The following LRBA variants were observed in gnomAD, a reference collection of about 807,000 sequenced individuals.
LRBA encodes the protein LPS responsive beige-like anchor protein.
LRBA carries 176 observed loss-of-function variants against 330.0 expected under a neutral mutation model. The observed-to-expected ratio is 0.53, with a 90% CI of 0.47 to 0.60. The LOEUF is 0.60. Among genes scored for constraint, LRBA ranks in the 20% least tolerant of loss-of-function variants. LRBA has a pLI of 0.00. For missense variants in LRBA, 3,259 were observed against 3,444.8 expected, an observed-to-expected ratio of 0.95 and a Z score of 1.35; for synonymous variants, 1,230 against 1,193.0, an observed-to-expected ratio of 1.03 and a Z score of -0.64.
At chr4:150,520,935 T>C (rs1762861145) in intron 40 of LRBA, among the ~76,000 whole-genome samples, 1 of 152,220 alleles carries the variant, frequency 6.6e-6, no homozygotes, top group South Asian at 2.1e-4. Flanking sequence ...TATGTATTCA[T>C]TTTCTTAAAA....
chr4:150,855,015 T>C (rs1579006292), intron 22 of LRBA, among the ~76,000 whole-genome samples: 1 of 152,122 alleles, frequency 6.6e-6, no homozygotes, highest in African/African-American at 2.4e-5. Flanking sequence ...CCCAGCACTT[T>C]AGGAGTCCAA....
intron 24 of LRBA, 133 bp downstream of exon 24, chr4:150,850,591 C>A (rs1173404968): frequency 9.9e-6 from 5 of 504,908 alleles, no homozygotes; most frequent in Non-Finnish European, 1.7e-5. Context: ...TTCAGTAAAA[C>A]CCTACCATAG....
chr4:150,427,217 C>T (rs562307959), intron 46 of LRBA, among the ~76,000 whole-genome samples: 4 of 152,022 alleles, frequency 2.6e-5, no homozygotes, highest in Admixed American at 2.6e-4. Context: ...TCACACTTGA[C>T]ATATGCATGC....
At chr4:150,763,983 T>C (rs1478428731) in intron 34 of LRBA, among the ~76,000 whole-genome samples, 2 of 151,976 alleles carry the variant, frequency 1.3e-5, no homozygotes, top group Non-Finnish European at 2.9e-5. Flanking sequence ...TCAGCTCTTA[T>C]ACCTAACATA....
intron 56 of LRBA, among the ~76,000 whole-genome samples, chr4:150,273,478 T>C (rs2126721390): frequency 6.6e-6 from 1 of 152,294 alleles, no homozygotes; most frequent in East Asian, 1.9e-4. Context: ...ACTTTAAATG[T>C]AAATGGACTA....
intron 14 of LRBA, 149 bp from the exon 15 acceptor site, chr4:150,897,967 A>G (rs1172285427): frequency 1.6e-6 from 1 of 607,594 alleles, no homozygotes; most frequent in East Asian, 2.8e-5. Context: ...ATGCCTCTAG[A>G]AAGACAAGTG....
intron 2 of LRBA, among the ~76,000 whole-genome samples, chr4:151,012,227 A>G (rs1218885088): frequency 2.0e-5 from 3 of 152,216 alleles, no homozygotes; most frequent in Admixed American, 2.0e-4. Context: ...CTTAAAATCT[A>G]TACCAGGTCT....
intron 28 of LRBA, among the ~76,000 whole-genome samples, chr4:150,838,877 T>G (rs1345568613): frequency 6.6e-6 from 1 of 151,996 alleles, no homozygotes; most frequent in African/African-American, 2.4e-5. Flanking sequence ...CTCTGATTTT[T>G]TGAATTTTCA....
In LRBA at chr4:150,946,791, G is replaced by A. The variant is rs562977533; in HGVS notation, c.217-17726C>T. Reference sequence around the variant, plus strand: ...AAGTAGGAAAACAATAATCAATGAAGAGCTAGTTCTTTGAAAAGATCAATA... The same window carrying A: ...AAGTAGGAAAACAATAATCAATGAAAAGCTAGTTCTTTGAAAAGATCAATA... On this transcript the variant is annotated intron_variant, in intron 2 of 56. Transcript: ENST00000651943. 3.9e-5 allele frequency among the ~76,000 whole-genome samples: 6 copies of A among 152,004 alleles called. No individual in the cohort carries two copies. The Middle Eastern group carries it at 0.01, about 259-fold the overall frequency.
intron 37 of LRBA, among the ~76,000 whole-genome samples, chr4:150,666,155 G>A (rs916000660): frequency 1.3e-5 from 2 of 151,986 alleles, no homozygotes; most frequent in African/African-American, 4.8e-5. Context: ...GTCAACACTC[G>A]GTATCCTCAG....
chr4:150,806,399 G>A lies in LRBA; in HGVS notation c.5390C>T (p.Thr1797Ile). The change falls in exon 33 of 57, where the codon ACA becomes ATA. Residue 1797 changes from threonine (T) to isoleucine (I), a missense_variant. Physicochemically the swap from Thr to Ile is moderately conservative, Grantham distance 89. Transcript: ENST00000651943. ...TTCCAAAGCGTGTTCAAGCCTCTCTGTAATACTAAGGAAAAGACATTAAGT... is the reference window on the plus strand; with the variant it reads ...TTCCAAAGCGTGTTCAAGCCTCTCTATAATACTAAGGAAAAGACATTAAGT... ...SQDPVSNMSI[T>I]ERLEHALEKA... is the part of the protein sequence containing the mutation. 1 of 1,592,902 alleles carries A rather than the reference G, an allele frequency of 6.3e-7. No individual in the cohort carries two copies. The highest frequency in any genetic ancestry group is 8.5e-7 in the Non-Finnish European group (1 of 1,172,002).
At chr4:150,422,909 G>A (rs1749023071) in intron 46 of LRBA, 2 of 822,772 alleles carry the variant, frequency 2.4e-6, no homozygotes, top group Non-Finnish European at 4.4e-6. Flanking sequence ...CCAAGAGAAA[G>A]GGGATGGATG....
intron 2 of LRBA, among the ~76,000 whole-genome samples, chr4:150,953,399 C>G (rs1737085714): frequency 7.7e-6 from 1 of 130,450 alleles, no homozygotes; most frequent in Non-Finnish European, 1.6e-5. Flanking sequence ...TTTGCACGGT[C>G]TCCCTCTGAT....
At chr4:150,568,679 T>TTAAA (rs1329558735) in intron 40 of LRBA, among the ~76,000 whole-genome samples, 1 of 152,150 alleles carries the variant, frequency 6.6e-6, no homozygotes, top group Non-Finnish European at 1.5e-5. Flanking sequence ...AACTTAAAGA[T>TTAAA]TTTAGAGTTT....
intron 44 of LRBA, 135 bp from the exon 45 acceptor site, chr4:150,436,999 G>T: frequency 1.3e-6 from 1 of 757,700 alleles, no homozygotes; most frequent in Non-Finnish European, 2.2e-6. Flanking sequence ...CTGCAACACA[G>T]TATCATATTG....
intron 2 of LRBA, among the ~76,000 whole-genome samples, chr4:150,969,192 T>C (rs186230239): frequency 6.6e-6 from 1 of 152,350 alleles, no homozygotes; most frequent in Non-Finnish European, 1.5e-5. Flanking sequence ...TAACATAACA[T>C]CCATTTTGCA....
Position 150,852,313 on chromosome 4 carries a change from T to C in LRBA, c.3397A>G (p.Ser1133Gly). ...GCTTCAGATGCAGCTGGAGACAAAC[T>C]GTTATCTTGGAGCTCTGTGGGTAGA... ...ANLPTELQDN[S>G]LSPAASEAGE... The change falls in exon 23 of 57, where the codon AGT becomes GGT. Residue 1133 changes from serine to glycine, a missense_variant. Physicochemically the swap from Ser to Gly is moderately conservative, Grantham distance 56 (BLOSUM62 0). Transcript: ENST00000651943. 6.2e-7 allele frequency: 1 copy of C among 1,614,086 alleles called. No homozygotes were observed. The highest frequency in any genetic ancestry group is 8.5e-7 in the Non-Finnish European group (1 of 1,180,018).
intron 2 of LRBA, among the ~76,000 whole-genome samples, chr4:150,953,376 C>T (rs1737076215): frequency 7.2e-6 from 1 of 139,590 alleles, no homozygotes; most frequent in Non-Finnish European, 1.6e-5. Context: ...TCCCCCTCCC[C>T]CTCCCCCCCC....
intron 36 of LRBA, among the ~76,000 whole-genome samples, chr4:150,704,539 A>G (rs995801579): frequency 2.6e-5 from 4 of 152,062 alleles, no homozygotes; most frequent in African/African-American, 9.7e-5. Context: ...CCTGAATTCT[A>G]TTTTTAAAAG....
Sources: gnomAD v4.1 joint callset for allele counts (sites outside exome capture counted in the v4.1 genomes callset) on GRCh38, gnomAD v4.1.1 for gene constraint, MANE v1.5 for transcripts, NCBI Gene and HGNC (gene_info 2026-07-23, HGNC 2026-07-21) for gene names.